The following CPSF4 variants were observed in gnomAD, a reference collection of about 807,000 sequenced individuals.
The protein encoded by CPSF4 is cleavage and polyadenylation specific factor 4, also known as cleavage and polyadenylation specificity factor subunit 4.
CPSF4 carries 11 observed loss-of-function variants against 37.7 expected under a neutral mutation model. The observed-to-expected ratio is 0.29, with a 90% CI of 0.18 to 0.48. CPSF4 has a LOEUF of 0.48. Ranked by LOEUF, CPSF4 falls within the 20% of genes least tolerant of loss-of-function variation. CPSF4 has a pLI of 0.99. For synonymous variants in CPSF4, 132 were observed against 135.9 expected, an observed-to-expected ratio of 0.97 and a Z score of 0.20; for missense variants, 144 against 359.5, an observed-to-expected ratio of 0.40 and a Z score of 4.85.
chr7:99,446,772 T>A (rs796891010), intron 2 of CPSF4, among the ~76,000 whole-genome samples: 13 of 61,438 alleles, frequency 2.1e-4, no homozygotes, highest in African/African-American at 1.2e-3. Context: ...CATACCCAGC[T>A]TTTTTTTTTT....
intron 7 of CPSF4, among the ~76,000 whole-genome samples, chr7:99,454,477 G>C (rs1357865221): frequency 2.6e-5 from 4 of 152,062 alleles, no homozygotes; most frequent in Non-Finnish European, 5.9e-5. Context: ...CTGTCCTGGG[G>C]GCATCCTTGG....
chr7:99,440,674 A>ATATATATATATATATATATATATAT, intron 1 of CPSF4, among the ~76,000 whole-genome samples: 3 of 88,130 alleles, frequency 3.4e-5, no homozygotes, highest in African/African-American at 2.9e-4. Flanking sequence ...ATATATATAT[A>ATATATATATATATATATATATATAT]TTTTTTTTTT....
At chr7:99,455,569 T>C (rs1168438655) in intron 7 of CPSF4, among the ~76,000 whole-genome samples, 1 of 152,190 alleles carries the variant, frequency 6.6e-6, no homozygotes, top group Non-Finnish European at 1.5e-5. Flanking sequence ...GGCAAGAGTG[T>C]TGGGTGCCAA....
intron 7 of CPSF4, among the ~76,000 whole-genome samples, chr7:99,455,828 C>G (rs1798268087): frequency 6.6e-6 from 1 of 152,246 alleles, no homozygotes; most frequent in South Asian, 2.1e-4. Context: ...TCTCTCTGAT[C>G]CTGTAATCAA....
Position 99,454,088 on chromosome 7 carries a change from C to T in CPSF4, c.693C>T (p.Ser231=), listed in dbSNP as rs769370096. ...VIGVMQSQNS[S]AGNRGPRPLE... ...GGGTCATGCAGAGTCAAAACAGCAGCGCGGGCAACCGGGGACCCCGGCCAC... is the reference window on the plus strand; with the variant it reads ...GGGTCATGCAGAGTCAAAACAGCAGTGCGGGCAACCGGGGACCCCGGCCAC... The change falls in exon 7 of 8, where the codon AGC becomes AGT. Residue 231 remains serine, a synonymous_variant. Coordinates refer to ENST00000292476, the MANE Select transcript of CPSF4 (RefSeq NM_006693.4). 26 of 1,614,014 alleles carry T rather than the reference C, an allele frequency of 1.6e-5. No homozygotes were observed. Among genetic ancestry groups the T allele is most frequent in the South Asian group, 5.5e-5 (5 of 91,078 alleles).
At chr7:99,439,326 A>G (rs957777616) in intron 1 of CPSF4, 141 bp downstream of exon 1, 1 of 598,640 alleles carries the variant, frequency 1.7e-6, no homozygotes, top group Non-Finnish European at 2.9e-6. Flanking sequence ...CTTTGGTCGC[A>G]GGACTCCTCC....
intron 1 of CPSF4, among the ~76,000 whole-genome samples, chr7:99,440,674 A>ATATATATATATATATATATATATGTT: frequency 1.1e-5 from 1 of 88,130 alleles, no homozygotes; most frequent in Non-Finnish European, 1.8e-5. Context: ...ATATATATAT[A>ATATATATATATATATATATATATGTT]TTTTTTTTTT....
At chr7:99,456,330 G>C (rs1798309964) in intron 7 of CPSF4, 102 bp from the exon 8 acceptor site, 2 of 988,772 alleles carry the variant, frequency 2.0e-6, no homozygotes, top group Non-Finnish European at 3.2e-6. Context: ...TGGGGACTTG[G>C]TGGATGATTT....
chr7:99,441,541 T>C, intron 1 of CPSF4: 1 of 456,222 alleles, frequency 2.2e-6, no homozygotes, highest in Non-Finnish European at 4.4e-6. Flanking sequence ...ATCCCTCCTC[T>C]TCATCCCCAT....
chr7:99,445,368 C>T (rs549299387), intron 2 of CPSF4, among the ~76,000 whole-genome samples: 7 of 152,060 alleles, frequency 4.6e-5, no homozygotes, highest in South Asian at 4.2e-4. Context: ...GAGCCGAGAT[C>T]GTGCCATTGC....
chr7:99,443,019 C>G (rs1797160486), intron 1 of CPSF4: 1 of 1,435,084 alleles, frequency 7.0e-7, no homozygotes, highest in Admixed American at 1.7e-5. Flanking sequence ...TTCAGACTTT[C>G]TGGAAATTGA....
chr7:99,453,255 A>C lies in CPSF4; in HGVS notation c.571-711A>C, dbSNP rs947826259. The C allele has an allele frequency of 5.9e-5, 9 of 152,522 alleles. No homozygotes were observed. The highest frequency in any genetic ancestry group is 3.9e-4 in the Admixed American group (6 of 15,286). The allele number at this position is 152,522 out of a possible 1,614,324, so 9.4% of individuals were successfully genotyped here. On this transcript the variant is annotated intron_variant, in intron 6 of 7. Transcript: ENST00000292476. This position sits in a 1 kb window ranked among gnomAD's most constrained non-coding sequence, Gnocchi z 4.7. ...CTGCTGGGCTCTGGACTGGCTGCCA[A>C]AGCCCCACCAGCCCCGCTCAGTGCT...
Position 99,440,674 on chromosome 7 carries a change from A to ATATATATATGTTTTTTTTT in CPSF4, c.103+1490_103+1491insATATATATGTTTTTTTTTT. 4.5e-5 allele frequency among the ~76,000 whole-genome samples: 4 copies of ATATATATATGTTTTTTTTT among 88,130 alleles called. 1 individual carries two copies. The highest frequency in any genetic ancestry group is 2.9e-4 in the African/African-American group (3 of 10,312). The allele number at this position is 88,130 out of a possible 152,430, so 57.8% of individuals were successfully genotyped here. A position where few individuals can be genotyped will look rare whatever the true frequency, so the allele number is the denominator to read the frequency against. ...ACCTGGCATATATATATATATATAT[A>ATATATATATGTTTTTTTTT]TTTTTTTTTTTTTTTTTTTCCTGCC... On this transcript the variant is annotated intron_variant, in intron 1 of 7. Transcript: ENST00000292476.
chr7:99,450,423 C>A, intron 4 of CPSF4, 52 bp downstream of exon 4: 1 of 1,298,320 alleles, frequency 7.7e-7, no homozygotes, highest in Non-Finnish European at 1.1e-6. Flanking sequence ...CCTCCCTTCT[C>A]TGCCCACGAC....
In CPSF4 at chr7:99,456,572, G is replaced by A. The variant is rs1424384033; in HGVS notation, c.*72G>A. ...GAGTGTGCATTTAACTGTTTCATGC[G>A]CTTGTTGGCGCGACTGTGGCTCGAG... is the stretch of plus-strand genomic sequence containing the variant. On this transcript the variant is annotated 3_prime_UTR_variant, in exon 8 of 8. Coordinates refer to ENST00000292476, the MANE Select transcript of CPSF4 (RefSeq NM_006693.4). 2.0e-5 allele frequency: 26 copies of A among 1,290,978 alleles called. No individual in the cohort carries two copies. The highest frequency in any genetic ancestry group is 2.8e-5 in the Non-Finnish European group (25 of 896,834). 80.0% of individuals were successfully genotyped at this position (1,290,978 alleles called of 1,614,324 possible). A position where few individuals can be genotyped will look rare whatever the true frequency, so the allele number is the denominator to read the frequency against.
At chr7:99,440,674 A>ATATATATATATATATATATATATGTTTTT in intron 1 of CPSF4, among the ~76,000 whole-genome samples, 1 of 88,088 alleles carries the variant, frequency 1.1e-5, no homozygotes, top group African/African-American at 9.7e-5. Flanking sequence ...ATATATATAT[A>ATATATATATATATATATATATATGTTTTT]TTTTTTTTTT....
intron 2 of CPSF4, among the ~76,000 whole-genome samples, chr7:99,445,678 G>GT (rs1457263004): frequency 6.6e-6 from 1 of 152,166 alleles, no homozygotes; most frequent in Non-Finnish European, 1.5e-5. Context: ...GAGGTCAGGA[G>GT]TTTGAGACCA....
chr7:99,454,437 C>T (rs1345955587), intron 7 of CPSF4, among the ~76,000 whole-genome samples: 1 of 152,164 alleles, frequency 6.6e-6, no homozygotes, highest in African/African-American at 2.4e-5. Flanking sequence ...AACACTGATC[C>T]AGGGAAGGGT....
rs767832491 is a variant in CPSF4, at chr7:99,453,915, C to G, written c.571-51C>G. The G allele has an allele frequency of 1.3e-6, 2 of 1,566,560 alleles. No homozygotes were observed. The highest frequency in any genetic ancestry group is 2.7e-5 in the African/African-American group (2 of 73,848). On this transcript the variant is annotated intron_variant, in intron 6 of 7. Transcript: ENST00000292476. The surrounding 1 kb of genome is among the most constrained non-coding windows in gnomAD (Gnocchi z 4.7). ...CTTTTTTCCTGTCCCCATCGGTAGTCTGCGTGCACGTGTTTTCCACAGTAA... is the reference window on the plus strand; with the variant it reads ...CTTTTTTCCTGTCCCCATCGGTAGTGTGCGTGCACGTGTTTTCCACAGTAA...
Sources: allele counts gnomAD v4.1 joint callset (sites outside exome capture counted in the v4.1 genomes callset), GRCh38; gene constraint gnomAD v4.1.1; non-coding constraint Gnocchi (gnomAD v3.1); transcripts MANE v1.5; gene names NCBI Gene and HGNC (gene_info 2026-07-23, HGNC 2026-07-21).